The following SLMAP variants were observed in gnomAD, a reference collection of about 807,000 sequenced individuals.
The protein encoded by SLMAP is sarcolemma associated protein.
Under a neutral mutation model 128.8 loss-of-function variants are expected in SLMAP, and 44 were observed. The ratio of observed to expected loss-of-function variants is 0.34; its 90% CI spans 0.27 to 0.44. The LOEUF (loss-of-function observed/expected upper bound fraction) is 0.44, where lower values mean the gene tolerates loss of function less well. SLMAP is among the 20% of genes least tolerant of loss of function. SLMAP has a pLI of 1.00. For synonymous variants in SLMAP, 327 were observed against 348.8 expected, an observed-to-expected ratio of 0.94 and a Z score of 0.70; for missense variants, 787 against 985.3, an observed-to-expected ratio of 0.80 and a Z score of 2.69.
At chr3:57,869,636 A>ATATATATATATATAT (rs1553900290) in intron 13 of SLMAP, among the ~76,000 whole-genome samples, 4 of 124,374 alleles carry the variant, frequency 3.2e-5, no homozygotes, top group Non-Finnish European at 4.9e-5. Context: ...TCTATTATAT[A>ATATATATATATATAT]TATATATATA....
At chr3:57,800,890 C>T in intron 2 of SLMAP, 1 of 190,968 alleles carries the variant, frequency 5.2e-6, no homozygotes, top group Non-Finnish European at 1.1e-5. Context: ...TACTCACAGG[C>T]CAAGCCAATA....
chr3:57,883,971 G>A (rs917417050), intron 14 of SLMAP, among the ~76,000 whole-genome samples: 3 of 132,598 alleles, frequency 2.3e-5, no homozygotes, highest in African/African-American at 8.6e-5. Context: ...GATCTCTGCT[G>A]CCTAGGCTGT....
chr3:57,829,150 T>C (rs1229212856), intron 2 of SLMAP, among the ~76,000 whole-genome samples: 1 of 152,188 alleles, frequency 6.6e-6, no homozygotes, highest in Non-Finnish European at 1.5e-5. Context: ...GCTACAAACA[T>C]GAGGTGTTGA....
intron 21 of SLMAP, among the ~76,000 whole-genome samples, chr3:57,913,549 G>A (rs978565592): frequency 6.6e-5 from 10 of 152,154 alleles, no homozygotes; most frequent in South Asian, 2.1e-4. Context: ...ACAAAAGTCT[G>A]TAATTCATAG....
chr3:57,833,536 C>T (rs1560158678), intron 3 of SLMAP, among the ~76,000 whole-genome samples: 1 of 151,968 alleles, frequency 6.6e-6, no homozygotes, highest in African/African-American at 2.4e-5. Flanking sequence ...TCTCCTGCCT[C>T]AGCCTCTCGA....
chr3:57,885,021 C>G (rs1051807317), intron 14 of SLMAP, among the ~76,000 whole-genome samples: 1 of 151,118 alleles, frequency 6.6e-6, no homozygotes, highest in Non-Finnish European at 1.5e-5. Flanking sequence ...AAAAAACACA[C>G]ACAGAAAAAT....
In SLMAP at chr3:57,882,463, T is replaced by G. The variant is rs895668981; in HGVS notation, c.1301-7578T>G. ...GAGAAAGTGTGTGAAATAAAAACCATATGAAACCCTAAGACTGAGATTGGA... is the reference window on the plus strand; with the variant it reads ...GAGAAAGTGTGTGAAATAAAAACCAGATGAAACCCTAAGACTGAGATTGGA... On this transcript the variant is annotated intron_variant, in intron 14 of 24. Coordinates refer to ENST00000671191, the MANE Select transcript of SLMAP (RefSeq NM_001377540.1). Among the ~76,000 whole-genome samples, 9 of 152,308 alleles carry G rather than the reference T, an allele frequency of 5.9e-5. 1 individual carries two copies. Among genetic ancestry groups the G allele is most frequent in the African/African-American group, 1.9e-4 (8 of 41,562 alleles).
At chr3:57,863,245 G>A (rs867339796) in intron 10 of SLMAP, among the ~76,000 whole-genome samples, 1 of 152,072 alleles carries the variant, frequency 6.6e-6, no homozygotes, top group South Asian at 2.1e-4. Context: ...GTAATGATAG[G>A]GTAATGTCTA....
At chr3:57,762,144 G>A (rs1053162984) in intron 2 of SLMAP, among the ~76,000 whole-genome samples, 6 of 151,770 alleles carry the variant, frequency 4.0e-5, no homozygotes, top group African/African-American at 9.7e-5. Flanking sequence ...TGAGGCAGAC[G>A]GATCACGAGG....
At chr3:57,911,363 T>G (rs981118776) in intron 19 of SLMAP, among the ~76,000 whole-genome samples, 2 of 152,222 alleles carry the variant, frequency 1.3e-5, no homozygotes, top group South Asian at 4.1e-4. Flanking sequence ...CTCCCATCCC[T>G]AAATCCTCTT....
chr3:57,757,966 C>T, intron 2 of SLMAP, 117 bp downstream of exon 2: 1 of 810,210 alleles, frequency 1.2e-6, no homozygotes, highest in East Asian at 2.7e-5. Flanking sequence ...GGAGGCTTTG[C>T]GCAAAGCCAC....
At chr3:57,866,853 G>A (rs1161418607) in intron 13 of SLMAP, among the ~76,000 whole-genome samples, 2 of 151,590 alleles carry the variant, frequency 1.3e-5, no homozygotes, top group South Asian at 2.1e-4. Context: ...CACTGCAGGC[G>A]ATGGGAGTGA....
At position 57,864,712 on chromosome 3, in the gene SLMAP, A is replaced by G. The variant is rs758864429; in HGVS notation, c.1131A>G (p.Leu377=). The G allele has an allele frequency of 4.4e-6, 7 of 1,590,930 alleles. No individual in the cohort carries two copies. ...NDFTNERLTA[L]QVRLEHLQEK... ...TCACCAATGAAAGGCTAACAGCTTT[A>G]CAAGGTAAGTAGCTAATCCAGAAAT... The change falls in exon 11 of 25, where the codon TTA becomes TTG. Residue 377 remains leucine (L), a synonymous_variant. Coordinates refer to ENST00000671191, the MANE Select transcript of SLMAP (RefSeq NM_001377540.1).
intron 13 of SLMAP, among the ~76,000 whole-genome samples, chr3:57,865,639 C>G (rs1173114240): frequency 1.3e-5 from 2 of 152,142 alleles, no homozygotes; most frequent in Non-Finnish European, 2.9e-5. Flanking sequence ...TACTTGACCC[C>G]CATTTAAAAC....
chr3:57,825,018 A>G (rs1577098976), intron 2 of SLMAP, among the ~76,000 whole-genome samples: 1 of 152,190 alleles, frequency 6.6e-6, no homozygotes, highest in Non-Finnish European at 1.5e-5. Flanking sequence ...CTAGATGGAA[A>G]TGGAATTGTC....
At chr3:57,804,406 A>G (rs1560047016) in intron 2 of SLMAP, among the ~76,000 whole-genome samples, 1 of 152,276 alleles carries the variant, frequency 6.6e-6, no homozygotes, top group East Asian at 1.9e-4. Context: ...TAAAATAAAA[A>G]TTTTCTATTT....
chr3:57,922,954 G>A lies in SLMAP; in HGVS notation c.2376G>A (p.Lys792=), dbSNP rs1576479942. The A allele has an allele frequency of 1.9e-6, 3 of 1,613,530 alleles. No homozygotes were observed. The highest frequency in any genetic ancestry group is 2.5e-6 in the Non-Finnish European group (3 of 1,179,594). ...KLKFEMTEQE[K]QSITDELKQC... is the part of the protein sequence containing the mutation. ...AGTTTGAAATGACTGAGCAGGAAAA[G>A]CAGTCAATCACAGATGAGCTCAAAC... The change falls in exon 23 of 25, where the codon AAG becomes AAA. Residue 792 remains lysine (K), a synonymous_variant. Transcript: ENST00000671191.
chr3:57,831,355 C>A, intron 2 of SLMAP, 28 bp from the exon 3 acceptor site: 1 of 1,416,502 alleles, frequency 7.1e-7, no homozygotes, highest in South Asian at 1.5e-5. Context: ...AATATTTGGC[C>A]CTTTTTTGTT....
intron 2 of SLMAP, among the ~76,000 whole-genome samples, chr3:57,788,503 G>A (rs770182706): frequency 2.6e-5 from 4 of 152,132 alleles, no homozygotes; most frequent in Non-Finnish European, 5.9e-5. Context: ...TGTAGTGAAG[G>A]TTACAGGAAA....
Sources: gnomAD v4.1 joint callset for allele counts (sites outside exome capture counted in the v4.1 genomes callset) on GRCh38, gnomAD v4.1.1 for gene constraint, MANE v1.5 for transcripts, NCBI Gene and HGNC (gene_info 2026-07-23, HGNC 2026-07-21) for gene names.